The following ZNF407 variants were observed in gnomAD, a reference collection of about 807,000 sequenced individuals.
ZNF407 encodes zinc finger protein 407.
ZNF407 carries 17 observed loss-of-function variants against 131.2 expected under a neutral mutation model. That is an observed-to-expected ratio of 0.13 (90% CI 0.09 to 0.19). ZNF407 has a LOEUF of 0.19. ZNF407 is among the 10% of genes least tolerant of loss of function. The probability of loss-of-function intolerance (pLI) is 1.00; values close to 1 mark genes in which losing one functional copy is unlikely to be tolerated. For synonymous variants in ZNF407, 1,156 were observed against 1,062.0 expected (o/e 1.09, Z -1.72); for missense variants, 2,681 against 2,830.6 (o/e 0.95, Z 1.20).
rs906079353 is a variant in ZNF407 at position 74,913,631 on chromosome 18, G to A, written c.5250-6883G>A. On this transcript the variant is annotated intron_variant, in intron 7 of 8. Transcript: ENST00000299687. Reference sequence around the variant, plus strand: ...AGGGATTGTACCTAGCTGGTCATCTGGGACACAGGGTACAGTGGAGACAGT... The same window carrying A: ...AGGGATTGTACCTAGCTGGTCATCTAGGACACAGGGTACAGTGGAGACAGT... 2.6e-5 allele frequency among the ~76,000 whole-genome samples: 4 copies of A among 152,294 alleles called. No individual in the cohort carries two copies. The East Asian group carries it at 5.8e-4, about 22-fold the overall frequency.
At chr18:74,667,500 A>G (rs1985976764) in intron 3 of ZNF407, among the ~76,000 whole-genome samples, 1 of 152,174 alleles carries the variant, frequency 6.6e-6, no homozygotes, top group Non-Finnish European at 1.5e-5. Context: ...AGCATTTCTG[A>G]TGTCAGGTTG....
At chr18:74,871,473 AT>A (rs1971085954) in intron 4 of ZNF407, among the ~76,000 whole-genome samples, 1 of 152,108 alleles carries the variant, frequency 6.6e-6, no homozygotes, top group Non-Finnish European at 1.5e-5. Flanking sequence ...TCATAGTTCT[AT>A]ATTTTGTTTA....
chr18:74,638,361 C>T (rs946522658), intron 2 of ZNF407, among the ~76,000 whole-genome samples: 6 of 149,376 alleles, frequency 4.0e-5, no homozygotes, highest in African/African-American at 1.2e-4. Flanking sequence ...AATAAATGAA[C>T]GAGCAGATGA....
At chr18:74,704,300 C>A (rs1568174555) in intron 3 of ZNF407, among the ~76,000 whole-genome samples, 1 of 152,226 alleles carries the variant, frequency 6.6e-6, no homozygotes, top group Non-Finnish European at 1.5e-5. Flanking sequence ...CAGGCTACAT[C>A]AGGGTCCCAT....
chr18:74,884,901 C>G (rs536998949), intron 6 of ZNF407, among the ~76,000 whole-genome samples: 2 of 152,164 alleles, frequency 1.3e-5, no homozygotes, highest in Non-Finnish European at 1.5e-5. Context: ...TCCTTTTACC[C>G]CACTTCAAAT....
intron 3 of ZNF407, among the ~76,000 whole-genome samples, chr18:74,714,348 A>C (rs1463400492): frequency 6.6e-6 from 1 of 152,244 alleles, no homozygotes; most frequent in Non-Finnish European, 1.5e-5. Flanking sequence ...CTAGGAAGCA[A>C]AGTACCAGGG....
intron 8 of ZNF407, among the ~76,000 whole-genome samples, chr18:74,985,079 G>C (rs76903079): frequency 6.6e-6 from 1 of 152,108 alleles, no homozygotes; most frequent in East Asian, 1.9e-4. Context: ...ATGCATTGTC[G>C]ATATTTGAGC....
In ZNF407 at chr18:75,063,869, C is replaced by T; in HGVS notation, c.6148C>T (p.Pro2050Ser). The T allele has an allele frequency of 1.2e-6, 2 of 1,611,712 alleles. No homozygotes were observed. The highest frequency in any genetic ancestry group is 8.5e-7 in the Non-Finnish European group (1 of 1,179,456). ...IQMFPQAQES[P>S]AAVEVLTQVV... Reference sequence around the variant, plus strand: ...GATGTTCCCACAGGCCCAGGAGAGCCCGGCCGCCGTGGAGGTGCTCACCCA... The same window carrying T: ...GATGTTCCCACAGGCCCAGGAGAGCTCGGCCGCCGTGGAGGTGCTCACCCA... The change falls in exon 9 of 9, where the codon CCG becomes TCG. Residue 2050 changes from proline (P) to serine (S), a missense_variant. Around this residue, in one of 6 missense-constraint regions of ZNF407, gnomAD observed 620 missense variants for 583.1 expected, o/e 1.06. Transcript: ENST00000299687. This position sits in a 1 kb window ranked among gnomAD's most constrained non-coding sequence, Gnocchi z 6.6.
chr18:74,946,692 G>C (rs1568279315), intron 8 of ZNF407, among the ~76,000 whole-genome samples: 1 of 151,962 alleles, frequency 6.6e-6, no homozygotes, highest in Non-Finnish European at 1.5e-5. Context: ...TGAATGATTT[G>C]ATTTGCATTA....
At chr18:74,754,103 A>AT (rs1361071587) in intron 3 of ZNF407, among the ~76,000 whole-genome samples, 3 of 152,094 alleles carry the variant, frequency 2.0e-5, no homozygotes, top group Non-Finnish European at 4.4e-5. Context: ...GAATTTATCC[A>AT]TTTCTTCTAG....
At chr18:75,003,245 G>A (rs545557409) in intron 8 of ZNF407, among the ~76,000 whole-genome samples, 98 of 152,308 alleles carry the variant, frequency 6.4e-4, no homozygotes, top group Non-Finnish European at 1.2e-3. Context: ...TTATTTCTGA[G>A]TTACAATGTC....
chr18:74,785,672 G>A (rs1370246151), intron 4 of ZNF407, among the ~76,000 whole-genome samples: 1 of 152,154 alleles, frequency 6.6e-6, no homozygotes, highest in East Asian at 1.9e-4. Flanking sequence ...TTACACAGGA[G>A]CGTCACCTTT....
chr18:74,774,969 G>A (rs555998402), intron 3 of ZNF407, among the ~76,000 whole-genome samples: 1 of 152,292 alleles, frequency 6.6e-6, no homozygotes, highest in Admixed American at 6.5e-5. Flanking sequence ...CGTTAGTGGT[G>A]AGCCGGTTTG....
intron 8 of ZNF407, among the ~76,000 whole-genome samples, chr18:74,923,889 T>C (rs1971878729): frequency 6.6e-6 from 1 of 152,190 alleles, no homozygotes; most frequent in Admixed American, 6.5e-5. Flanking sequence ...TTTAGTCTTT[T>C]ACTTTAGTAT....
intron 8 of ZNF407, among the ~76,000 whole-genome samples, chr18:74,969,177 T>A (rs969941122): frequency 6.6e-6 from 1 of 152,234 alleles, no homozygotes; most frequent in African/African-American, 2.4e-5. Flanking sequence ...TCACGAGAGT[T>A]TATAATTTAT....
At chr18:74,782,595 G>GTTCTCCCCGTTCTCCCCT (rs1188993657) in intron 4 of ZNF407, among the ~76,000 whole-genome samples, 3 of 149,742 alleles carry the variant, frequency 2.0e-5, no homozygotes, top group South Asian at 2.1e-4. Flanking sequence ...CTTTCTTCCT[G>GTTCTCCCCGTTCTCCCCT]TTCTCCCCGT....
intron 1 of ZNF407, among the ~76,000 whole-genome samples, chr18:74,606,174 A>G (rs1479949768): frequency 1.3e-5 from 2 of 152,186 alleles, no homozygotes; most frequent in African/African-American, 2.4e-5. Context: ...CTTCTGGGAG[A>G]TCATTTTTGT....
At chr18:74,789,716 G>C (rs1969789756) in intron 4 of ZNF407, among the ~76,000 whole-genome samples, 1 of 152,038 alleles carries the variant, frequency 6.6e-6, no homozygotes, top group Admixed American at 6.6e-5. Flanking sequence ...CTTTTTCCTG[G>C]TTTACTACCT....
chr18:74,978,378 G>A (rs1972551587), intron 8 of ZNF407, among the ~76,000 whole-genome samples: 1 of 152,074 alleles, frequency 6.6e-6, no homozygotes, highest in African/African-American at 2.4e-5. Context: ...ACATAGAGGG[G>A]TAACGTAATT....
Sources: gnomAD v4.1 joint callset for allele counts (sites outside exome capture counted in the v4.1 genomes callset) on GRCh38, gnomAD v4.1.1 for gene constraint, gnomAD v4.1.1 regional missense constraint, Gnocchi (gnomAD v3.1) non-coding constraint, MANE v1.5 for transcripts, NCBI Gene and HGNC (gene_info 2026-07-23, HGNC 2026-07-21) for gene names.